The following TMEM63C variants were observed in gnomAD, a reference collection of about 807,000 sequenced individuals.
TMEM63C encodes osmosensitive cation channel TMEM63C.
A neutral mutation model predicts 99.2 loss-of-function variants in TMEM63C; 32 were observed. The ratio of observed to expected loss-of-function variants is 0.32; its 90% CI spans 0.24 to 0.43. The LOEUF is 0.43. TMEM63C is among the 20% of genes least tolerant of loss of function. TMEM63C has a pLI of 1.00. For synonymous variants in TMEM63C, 376 were observed against 397.9 expected, an observed-to-expected ratio of 0.94 and a Z score of 0.66; for missense variants, 826 against 1,053.0, an observed-to-expected ratio of 0.78 and a Z score of 2.98.
At chr14:77,229,791 T>C (rs569228707) in intron 6 of TMEM63C, among the ~76,000 whole-genome samples, 4 of 152,012 alleles carry the variant, frequency 2.6e-5, no homozygotes, top group African/African-American at 9.6e-5. Flanking sequence ...TCAATGAGAT[T>C]GTAGATGAAT....
intron 12 of TMEM63C, 62 bp downstream of exon 12, chr14:77,239,788 C>T (rs1041869037): frequency 1.9e-6 from 3 of 1,584,594 alleles, no homozygotes; most frequent in Non-Finnish European, 2.6e-6. Flanking sequence ...GCTCTAGGCT[C>T]TGTGCCTTTG....
At chr14:77,221,683 G>C (rs1317846488) in intron 5 of TMEM63C, among the ~76,000 whole-genome samples, 1 of 115,544 alleles carries the variant, frequency 8.7e-6, no homozygotes, top group Non-Finnish European at 1.8e-5. Flanking sequence ...TCCCACTCAT[G>C]CCTCCTCTCC....
chr14:77,208,742 G>A (rs902124130), intron 1 of TMEM63C, among the ~76,000 whole-genome samples: 1 of 152,228 alleles, frequency 6.6e-6, no homozygotes, highest in Non-Finnish European at 1.5e-5. Flanking sequence ...CACAGGGCCT[G>A]GCATATAGAA....
At chr14:77,200,960 G>C (rs1365765289) in intron 1 of TMEM63C, 3 of 146,742 alleles carry the variant, frequency 2.0e-5, no homozygotes, top group Admixed American at 6.9e-5. Context: ...CTCAGTTAAA[G>C]TGATCTAGTG....
At chr14:77,205,625 C>CAG (rs1888383830) in intron 1 of TMEM63C, among the ~76,000 whole-genome samples, 1 of 152,258 alleles carries the variant, frequency 6.6e-6, no homozygotes, top group African/African-American at 2.4e-5. Context: ...AGGTCCTCCA[C>CAG]AGAGGGGAGG....
At chr14:77,238,803 T>C (rs1260928960) in intron 10 of TMEM63C, 36 bp downstream of exon 10, 1 of 1,552,942 alleles carries the variant, frequency 6.4e-7, no homozygotes, top group East Asian at 2.2e-5. Context: ...CGTGGATTGC[T>C]TCCTCCCCAT....
At chr14:77,229,949 A>C (rs9323639) in intron 6 of TMEM63C, among the ~76,000 whole-genome samples, 125,429 of 151,950 alleles carry the variant, frequency 0.83, 51,949 homozygotes, top group African/African-American at 0.9. Context: ...CCTGTAATCC[A>C]AGCACTTTGG....
At chr14:77,186,114 C>T (rs1370637350) in intron 1 of TMEM63C, among the ~76,000 whole-genome samples, 3 of 151,974 alleles carry the variant, frequency 2.0e-5, no homozygotes, top group South Asian at 2.1e-4. Flanking sequence ...CAGGTTCAAG[C>T]GATTCTCCTG....
intron 1 of TMEM63C, among the ~76,000 whole-genome samples, chr14:77,194,770 C>T (rs1322399524): frequency 1.3e-5 from 2 of 151,148 alleles, no homozygotes; most frequent in African/African-American, 4.9e-5. Context: ...TTTGTGGAAC[C>T]GGGTTTTTGC....
chr14:77,240,454 G>A, intron 12 of TMEM63C, 21 bp from the exon 13 acceptor site: 1 of 1,602,774 alleles, frequency 6.2e-7, no homozygotes. Flanking sequence ...CCCCAGCCCT[G>A]AAGGCTGCCT....
At chr14:77,242,263 C>A in intron 13 of TMEM63C, 84 bp from the exon 14 acceptor site, 1 of 1,480,604 alleles carries the variant, frequency 6.8e-7, no homozygotes, top group Non-Finnish European at 9.3e-7. Flanking sequence ...ACCATAGTGG[C>A]CCTGAGCTCC....
intron 17 of TMEM63C, among the ~76,000 whole-genome samples, chr14:77,246,346 G>T: frequency 6.6e-6 from 1 of 152,258 alleles, no homozygotes. Context: ...TGAGAGAAAT[G>T]AGTGAATATT....
At chr14:77,215,452 T>G (rs1190010562) in intron 2 of TMEM63C, among the ~76,000 whole-genome samples, 4 of 151,228 alleles carry the variant, frequency 2.6e-5, no homozygotes, top group Non-Finnish European at 5.9e-5. Context: ...AATACAAAAT[T>G]TAGCCAAGTG....
intron 8 of TMEM63C, among the ~76,000 whole-genome samples, chr14:77,234,188 GC>G (rs1170864037): frequency 6.6e-6 from 1 of 152,196 alleles, no homozygotes; most frequent in Non-Finnish European, 1.5e-5. Context: ...TCCTGACAAA[GC>G]TGCAGAAGCA....
At chr14:77,238,043 C>T (rs1594865678) in intron 9 of TMEM63C, among the ~76,000 whole-genome samples, 2 of 152,232 alleles carry the variant, frequency 1.3e-5, no homozygotes, top group East Asian at 3.8e-4. Context: ...GCTACTTCAG[C>T]TTTCCTTCTT....
chr14:77,241,393 G>A (rs542326612), intron 13 of TMEM63C, among the ~76,000 whole-genome samples: 1 of 152,132 alleles, frequency 6.6e-6, no homozygotes, highest in Admixed American at 6.5e-5. Context: ...CAGCCCATGC[G>A]TTGACAAGGA....
chr14:77,253,313 G>T lies in TMEM63C; in HGVS notation c.2157G>T (p.Glu719Asp). Residue 719 changes from glutamate (E) to aspartate (D), a missense_variant, in exon 23 of 24, where the codon GAG (glutamate) becomes GAT (aspartate). Coordinates refer to ENST00000298351, the MANE Select transcript of TMEM63C (RefSeq NM_020431.4). ...ACCTCTCCCTGCTGCAGCCCGAGGA[G>T]GAGGAGATCCAGACAGTGTTTGACA... ...LRMVADYEPEEEEIQTVFDME... is the reference protein window; with the variant it reads ...LRMVADYEPEDEEIQTVFDME... 1 of 1,613,054 alleles carries T rather than the reference G, an allele frequency of 6.2e-7. No homozygotes were observed. Among genetic ancestry groups the T allele is most frequent in the South Asian group, 1.1e-5 (1 of 90,608 alleles).
rs1262486384 is a variant in TMEM63C, at chr14:77,242,985, C to T, written c.1270C>T (p.Leu424Phe). The T allele has an allele frequency of 1.2e-6, 2 of 1,613,916 alleles. No individual in the cohort carries two copies. The highest frequency in any genetic ancestry group is 1.7e-6 in the Non-Finnish European group (2 of 1,179,906). The change falls in exon 15 of 24, where the codon CTC (leucine) becomes TTC (phenylalanine). Residue 424 changes from leucine (L) to phenylalanine (F), a missense_variant. Physicochemically the swap from Leu to Phe is conservative, Grantham distance 22. Transcript: ENST00000298351. ...CTTCCTCTTCTTCCTCTTCTTCTTT[C>T]TCACCACGCCTGCCATCATCATGAA... ...NTFLFFLFFF[L>F]TTPAIIMNTI...
At chr14:77,252,925 G>A (rs1012756413) in intron 22 of TMEM63C, among the ~76,000 whole-genome samples, 1 of 152,234 alleles carries the variant, frequency 6.6e-6, no homozygotes, top group African/African-American at 2.4e-5. Context: ...GAAGGAGAAT[G>A]GCCAGGAACC....
Sources: gnomAD v4.1 joint callset for allele counts (sites outside exome capture counted in the v4.1 genomes callset) on GRCh38, gnomAD v4.1.1 for gene constraint, MANE v1.5 for transcripts, NCBI Gene and HGNC (gene_info 2026-07-23, HGNC 2026-07-21) for gene names.